Variants in DIAPH3 observed in about 807,000 individuals in gnomAD.
DIAPH3 encodes diaphanous related formin 3.
A neutral mutation model predicts 144.3 loss-of-function variants in DIAPH3; 117 were observed. The ratio of observed to expected loss-of-function variants is 0.81; its 90% CI spans 0.70 to 0.95. The LOEUF is 0.95. DIAPH3 is among the 40% of genes least tolerant of loss of function. The pLI, the probability that DIAPH3 is intolerant of heterozygous loss-of-function variation, is 0.00. For missense variants in DIAPH3, 1,421 were observed against 1,412.7 expected (o/e 1.01, Z -0.09); for synonymous variants, 519 against 488.9 (o/e 1.06, Z -0.81).
chr13:59,791,377 G>A (rs2139404189), intron 25 of DIAPH3, among the ~76,000 whole-genome samples: 1 of 152,254 alleles, frequency 6.6e-6, no homozygotes, highest in South Asian at 2.1e-4. Flanking sequence ...ATGCCTATGT[G>A]CTAGAGTCTG....
intron 27 of DIAPH3, among the ~76,000 whole-genome samples, chr13:59,728,232 C>T (rs556144260): frequency 6.6e-6 from 1 of 151,930 alleles, no homozygotes; most frequent in Non-Finnish European, 1.5e-5. Flanking sequence ...TTAATTGTTA[C>T]TTTATCTAGT....
At chr13:60,095,221 G>A (rs1369412603) in intron 3 of DIAPH3, among the ~76,000 whole-genome samples, 2 of 152,122 alleles carry the variant, frequency 1.3e-5, no homozygotes, top group East Asian at 3.9e-4. Flanking sequence ...TGCAGGACAG[G>A]TGAGCCCCAA....
At chr13:59,907,166 G>A (rs1566498360) in intron 20 of DIAPH3, among the ~76,000 whole-genome samples, 1 of 152,168 alleles carries the variant, frequency 6.6e-6, no homozygotes, top group Non-Finnish European at 1.5e-5. Flanking sequence ...GAGTAAAAGA[G>A]GAGGCTATTG....
At chr13:59,737,656 G>A (rs966643318) in intron 27 of DIAPH3, among the ~76,000 whole-genome samples, 1 of 152,166 alleles carries the variant, frequency 6.6e-6, no homozygotes, top group Admixed American at 6.5e-5. Flanking sequence ...GAGCTGTAAG[G>A]CCTGGAGTAA....
chr13:60,115,617 G>A (rs1326618693), intron 2 of DIAPH3, among the ~76,000 whole-genome samples: 3 of 151,806 alleles, frequency 2.0e-5, no homozygotes, highest in Non-Finnish European at 4.4e-5. Context: ...GACTGCAAAC[G>A]GCACCATCTT....
chr13:59,782,613 G>A (rs2038796765), intron 25 of DIAPH3, among the ~76,000 whole-genome samples: 2 of 152,148 alleles, frequency 1.3e-5, no homozygotes, highest in South Asian at 4.1e-4. Flanking sequence ...TTTGAAGGAA[G>A]AGGTTGATTC....
chr13:59,805,371 T>C (rs1363842654), intron 25 of DIAPH3, among the ~76,000 whole-genome samples: 4 of 152,042 alleles, frequency 2.6e-5, no homozygotes, highest in Non-Finnish European at 5.9e-5. Flanking sequence ...GAAAAAGTTG[T>C]GCATAATCAC....
At chr13:59,822,633 A>G (rs2139646931) in intron 24 of DIAPH3, among the ~76,000 whole-genome samples, 1 of 152,034 alleles carries the variant, frequency 6.6e-6, no homozygotes, top group South Asian at 2.1e-4. Context: ...TAGTAGAGGC[A>G]GGGTTTCACC....
chr13:60,060,296 C>G (rs2056715105), intron 4 of DIAPH3, among the ~76,000 whole-genome samples: 1 of 152,042 alleles, frequency 6.6e-6, no homozygotes, highest in Admixed American at 6.6e-5. Flanking sequence ...ATCATTGGAT[C>G]ACACCCCACT....
intron 20 of DIAPH3, among the ~76,000 whole-genome samples, chr13:59,905,810 C>G (rs1312081682): frequency 6.6e-6 from 1 of 152,114 alleles, no homozygotes; most frequent in Non-Finnish European, 1.5e-5. Context: ...GAAATGCTAG[C>G]AGCTTCTCAA....
In DIAPH3 at chr13:59,833,194, A is replaced by C. The variant is rs778047401; in HGVS notation, c.2940T>G (p.Ser980Arg). ...CATCAATGGCATAGTATCCTATTAT[A>C]CTCTGGTATAACTTTTCCATGTTTT... is the stretch of plus-strand genomic sequence containing the variant. ...LHENMEKLYQ[S>R]IIGYYAIDVK... The change falls in exon 24 of 28, where the codon AGT becomes AGG. Residue 980 changes from serine (S) to arginine (R), a missense_variant. Coordinates refer to ENST00000400324, the MANE Select transcript of DIAPH3 (RefSeq NM_001042517.2). 1 of 1,610,372 alleles carries C rather than the reference A, an allele frequency of 6.2e-7. No homozygotes were observed. Among genetic ancestry groups the C allele is most frequent in the Non-Finnish European group, 8.5e-7 (1 of 1,177,810 alleles).
chr13:59,671,407 A>G (rs563166486), intron 27 of DIAPH3, among the ~76,000 whole-genome samples: 36 of 152,378 alleles, frequency 2.4e-4, no homozygotes, highest in African/African-American at 7.7e-4. Context: ...ACACTTTTAA[A>G]TGGAAACTAA....
chr13:59,916,881 T>C (rs915496414), intron 18 of DIAPH3, among the ~76,000 whole-genome samples: 1 of 152,122 alleles, frequency 6.6e-6, no homozygotes, highest in Non-Finnish European at 1.5e-5. Context: ...TAGTATAATA[T>C]GTTATTACTG....
chr13:60,094,165 T>C, intron 3 of DIAPH3, among the ~76,000 whole-genome samples: 1 of 152,204 alleles, frequency 6.6e-6, no homozygotes. Context: ...CAACCAATTT[T>C]CAGATTCTGA....
intron 17 of DIAPH3, among the ~76,000 whole-genome samples, chr13:59,948,746 C>G (rs897899716): frequency 5.9e-5 from 9 of 152,240 alleles, no homozygotes; most frequent in African/African-American, 2.2e-4. Context: ...TAGGTGTGAG[C>G]TACCTCACCA....
chr13:59,760,633 T>G (rs768001125), intron 27 of DIAPH3, among the ~76,000 whole-genome samples: 1 of 152,228 alleles, frequency 6.6e-6, no homozygotes, highest in Non-Finnish European at 1.5e-5. Flanking sequence ...TTCTGCTGCA[T>G]ACATGCTTTA....
At chr13:59,726,995 A>G (rs1167185895) in intron 27 of DIAPH3, among the ~76,000 whole-genome samples, 1 of 152,156 alleles carries the variant, frequency 6.6e-6, no homozygotes, top group African/African-American at 2.4e-5. Flanking sequence ...TATAGATATT[A>G]AAAAACTTCA....
chr13:59,735,012 T>G (rs552257488), intron 27 of DIAPH3, among the ~76,000 whole-genome samples: 1 of 152,284 alleles, frequency 6.6e-6, no homozygotes, highest in African/African-American at 2.4e-5. Flanking sequence ...TTATATTTAG[T>G]AAGAAAAATC....
intron 17 of DIAPH3, among the ~76,000 whole-genome samples, chr13:59,940,884 T>G (rs1475368425): frequency 5.3e-5 from 8 of 152,130 alleles, no homozygotes; most frequent in African/African-American, 1.7e-4. Flanking sequence ...AAGAACTAAA[T>G]GAAATTAAAA....
Sources: gnomAD v4.1 joint callset for allele counts (sites outside exome capture counted in the v4.1 genomes callset) on GRCh38, gnomAD v4.1.1 for gene constraint, MANE v1.5 for transcripts, NCBI Gene and HGNC (gene_info 2026-07-23, HGNC 2026-07-21) for gene names.